Variants in FCER1A observed in about 807,000 individuals in gnomAD.
The protein encoded by FCER1A is Fc epsilon receptor Ia, also known as high affinity immunoglobulin epsilon receptor subunit alpha.
FCER1A carries 24 observed loss-of-function variants against 23.6 expected under a neutral mutation model. The ratio of observed to expected loss-of-function variants is 1.02; its 90% CI spans 0.74 to 1.43. The LOEUF is 1.43. Ranked by LOEUF, FCER1A falls within the 40% of genes most tolerant of loss-of-function variation. The pLI is 0.00. For missense variants in FCER1A, 318 were observed against 294.5 expected (o/e 1.08, Z -0.58); for synonymous variants, 121 against 108.8 (o/e 1.11, Z -0.70).
intron 1 of FCER1A, among the ~76,000 whole-genome samples, chr1:159,293,304 C>T (rs980879136): frequency 8.6e-5 from 13 of 151,916 alleles, no homozygotes; most frequent in Admixed American, 7.9e-4. Flanking sequence ...GATCTGGCCC[C>T]TATGTGTATC....
rs1557971110 is a variant in FCER1A, at chr1:159,307,964, G to C, written c.*32G>C. 2 of 1,532,050 alleles carry C rather than the reference G, an allele frequency of 1.3e-6. No homozygotes were observed. Among genetic ancestry groups the C allele is most frequent in the South Asian group, 2.4e-5 (2 of 83,224 alleles). 94.9% of individuals were successfully genotyped at this position (1,532,050 alleles called of 1,614,324 possible). ...TACTCAAGAAATATTTGCAACATTAGTTTTTTTCCAGCATCAGCAATTGCT... is the reference window on the plus strand; with the variant it reads ...TACTCAAGAAATATTTGCAACATTACTTTTTTTCCAGCATCAGCAATTGCT... On this transcript the variant is annotated 3_prime_UTR_variant, in exon 5 of 5. Coordinates refer to ENST00000693622, the MANE Select transcript of FCER1A (RefSeq NM_001387280.1).
At chr1:159,295,289 C>T (rs949585270) in intron 1 of FCER1A, among the ~76,000 whole-genome samples, 4 of 152,042 alleles carry the variant, frequency 2.6e-5, no homozygotes, top group Non-Finnish European at 5.9e-5. Flanking sequence ...CCACCTGTCT[C>T]TGAACAACAT....
At chr1:159,306,838 G>C (rs534116491) in intron 4 of FCER1A, among the ~76,000 whole-genome samples, 1 of 152,130 alleles carries the variant, frequency 6.6e-6, no homozygotes, top group Non-Finnish European at 1.5e-5. Flanking sequence ...AGCCTGTGAA[G>C]TATTCACTTT....
chr1:159,302,033 C>A (rs552357149), upstream of FCER1A, among the ~76,000 whole-genome samples: 1 of 152,294 alleles, frequency 6.6e-6, no homozygotes, highest in South Asian at 2.1e-4. Context: ...TCCCTTGCAT[C>A]CCACTTTTCT....
upstream of FCER1A, chr1:159,302,333 A>G: frequency 6.6e-7 from 1 of 1,525,720 alleles, no homozygotes; most frequent in Non-Finnish European, 9.1e-7. Flanking sequence ...AGATCTCTCC[A>G]GCACAGTAAG....
upstream of FCER1A, among the ~76,000 whole-genome samples, chr1:159,288,554 A>G (rs1422087667): frequency 3.9e-5 from 6 of 152,162 alleles, no homozygotes; most frequent in Admixed American, 1.3e-4. Flanking sequence ...GGTGAATGTC[A>G]TTTACTCTGG....
At chr1:159,288,763 T>G (rs1239411837), upstream of FCER1A, among the ~76,000 whole-genome samples, 3 of 152,216 alleles carry the variant, frequency 2.0e-5, no homozygotes, top group African/African-American at 7.2e-5. Context: ...TGGACTATAA[T>G]AATCCTTGAG....
upstream of FCER1A, among the ~76,000 whole-genome samples, chr1:159,298,138 C>A (rs942527882): frequency 1.3e-5 from 2 of 152,022 alleles, no homozygotes. Flanking sequence ...CTACAAGACA[C>A]CACAAAGATG....
At chr1:159,293,120 G>A (rs1047475900) in intron 1 of FCER1A, among the ~76,000 whole-genome samples, 1 of 151,530 alleles carries the variant, frequency 6.6e-6, no homozygotes, top group Admixed American at 6.6e-5. Flanking sequence ...AGACATACAT[G>A]AAGAGCCATC....
At chr1:159,298,500 CT>C (rs1652352037), upstream of FCER1A, among the ~76,000 whole-genome samples, 1 of 152,054 alleles carries the variant, frequency 6.6e-6, no homozygotes, top group Non-Finnish European at 1.5e-5. Flanking sequence ...GGATTTATTA[CT>C]TTTAGACCCA....
intron 1 of FCER1A, among the ~76,000 whole-genome samples, chr1:159,294,227 G>C (rs2427823): frequency 0.34 from 51,809 of 151,820 alleles, 10,689 homozygotes; most frequent in Non-Finnish European, 0.47. Context: ...GGGTATATAC[G>C]CAAAGGACTA....
At position 159,302,893 on chromosome 1, in the gene FCER1A, T is replaced by A; in HGVS notation, c.76+19T>A. ...TTAGCAGGTGAGTCCTCTGTTCTTGTTCCCTTGGTGTTTCAACATGTCTGG... is the reference window on the plus strand; with the variant it reads ...TTAGCAGGTGAGTCCTCTGTTCTTGATCCCTTGGTGTTTCAACATGTCTGG... On this transcript the variant is annotated intron_variant, in intron 2 of 4. Transcript: ENST00000693622. The A allele has an allele frequency of 9.3e-6, 15 of 1,612,310 alleles. No homozygotes were observed. The highest frequency in any genetic ancestry group is 1.2e-5 in the Non-Finnish European group (14 of 1,178,322).
At chr1:159,287,463 T>C (rs547566804), upstream of FCER1A, among the ~76,000 whole-genome samples, 1 of 152,166 alleles carries the variant, frequency 6.6e-6, no homozygotes, top group African/African-American at 2.4e-5. Flanking sequence ...TGATACTAAT[T>C]ACCATAGAAA....
intron 3 of FCER1A, among the ~76,000 whole-genome samples, chr1:159,305,659 T>C (rs955604041): frequency 1.3e-5 from 2 of 152,098 alleles, no homozygotes; most frequent in African/African-American, 4.8e-5. Context: ...AGAAAGACTG[T>C]TTATTTTCCC....
At chr1:159,302,748 C>G in intron 1 of FCER1A, 106 bp from the exon 2 acceptor site, 1 of 1,018,124 alleles carries the variant, frequency 9.8e-7, no homozygotes. Context: ...GACGGTTGGT[C>G]CTTAAAATTC....
chr1:159,298,467 G>A (rs1047002018), upstream of FCER1A, among the ~76,000 whole-genome samples: 1 of 152,068 alleles, frequency 6.6e-6, no homozygotes, highest in South Asian at 2.1e-4. Flanking sequence ...TAGTAGTCCT[G>A]GGAGTTTCCA....
At chr1:159,306,682 G>A (rs1571082843) in intron 4 of FCER1A, among the ~76,000 whole-genome samples, 1 of 152,278 alleles carries the variant, frequency 6.6e-6, no homozygotes, top group East Asian at 1.9e-4. Context: ...TAGGAGGGCT[G>A]GGAAAGGAAA....
chr1:159,306,197 TG>T lies in FCER1A; in HGVS notation c.543del (p.Trp181CysfsTer14). On this transcript the variant is annotated frameshift_variant, in exon 4 of 5. Transcript: ENST00000693622. LOFTEE classifies it low-confidence loss of function (END_TRUNC). Reference protein sequence around the residue: ...SGTYYCTGKVWQLDYESEPLN... With the variant: ...SGTYYCTGKVXQLDYESEPLN... Reference sequence around the variant, plus strand: ...AACCTACTACTGTACGGGCAAAGTGTGGCAGCTGGACTATGAGTCTGAGCCC... The same window carrying T: ...AACCTACTACTGTACGGGCAAAGTGTGCAGCTGGACTATGAGTCTGAGCCC... 1 of 1,614,104 alleles carries T rather than the reference TG, an allele frequency of 6.2e-7. No individual in the cohort carries two copies. The highest frequency in any genetic ancestry group is 8.5e-7 in the Non-Finnish European group (1 of 1,179,960).
At chr1:159,302,999 A>G in intron 2 of FCER1A, 125 bp downstream of exon 2, 3 of 909,618 alleles carry the variant, frequency 3.3e-6, no homozygotes, top group Non-Finnish European at 5.5e-6. Context: ...TGGCCAGACT[A>G]CTTTCCCTCT....
Sources: gnomAD v4.1 joint callset for allele counts (sites outside exome capture counted in the v4.1 genomes callset) on GRCh38, gnomAD v4.1.1 for gene constraint, MANE v1.5 for transcripts, NCBI Gene and HGNC (gene_info 2026-07-23, HGNC 2026-07-21) for gene names.